SMCO2: variants seen among roughly 807,000 people sequenced by gnomAD.
SMCO2 encodes the protein single-pass membrane protein with coiled-coil domains 2.
Under a neutral mutation model 29.5 loss-of-function variants are expected in SMCO2, and 25 were observed. The ratio of observed to expected loss-of-function variants is 0.85; its 90% CI spans 0.62 to 1.18. SMCO2 has a LOEUF of 1.18. SMCO2 is among the 50% of genes most tolerant of loss of function. SMCO2 has a pLI of 0.00. For synonymous variants in SMCO2, 117 were observed against 123.3 expected, an observed-to-expected ratio of 0.95 and a Z score of 0.34; for missense variants, 348 against 344.5, an observed-to-expected ratio of 1.01 and a Z score of -0.08.
chr12:27,432,205 A>G, the SMCO2 span, among the ~76,000 whole-genome samples: 2 of 152,144 alleles, frequency 1.3e-5, no homozygotes, highest in South Asian at 4.1e-4. Flanking sequence ...CTCACATTCC[A>G]TAGGTTGTTT....
chr12:27,488,792 T>G (rs894844383), intron 5 of SMCO2, among the ~76,000 whole-genome samples: 2 of 152,210 alleles, frequency 1.3e-5, no homozygotes, highest in Non-Finnish European at 2.9e-5. Context: ...TGTTGCCACC[T>G]TAAGATGAGT....
chr12:27,462,030 A>T (rs1025553545), upstream of SMCO2, among the ~76,000 whole-genome samples: 9 of 152,186 alleles, frequency 5.9e-5, no homozygotes, highest in African/African-American at 2.2e-4. Flanking sequence ...GACTGTTTGG[A>T]CATCCTTTTA....
At chr12:27,425,351 C>G in the SMCO2 span, 1 of 152,036 alleles carries the variant, frequency 6.6e-6, no homozygotes, top group African/African-American at 2.4e-5. Flanking sequence ...TGCCCTCAAA[C>G]CACTGGGCAG....
upstream of SMCO2, among the ~76,000 whole-genome samples, chr12:27,462,219 T>C (rs1324356013): frequency 6.6e-6 from 1 of 152,192 alleles, no homozygotes; most frequent in Non-Finnish European, 1.5e-5. Context: ...GTGCTAACAA[T>C]TTCTATAGTT....
At chr12:27,470,844 A>G (rs868301276) in intron 2 of SMCO2, 79 bp downstream of exon 2, 186 of 1,460,042 alleles carry the variant, frequency 1.3e-4, no homozygotes, top group Middle Eastern at 3.6e-4. Flanking sequence ...TATGCAAACG[A>G]TGAGATTTCC....
At chr12:27,430,520 C>T in the SMCO2 span, among the ~76,000 whole-genome samples, 437 of 152,144 alleles carry the variant, frequency 2.9e-3, 1 homozygote, top group African/African-American at 9.9e-3. Flanking sequence ...GTGTTAGAAC[C>T]AAACTTTCAG....
At chr12:27,481,449 A>G (rs78147736) in intron 4 of SMCO2, among the ~76,000 whole-genome samples, 6,444 of 152,252 alleles carry the variant, frequency 0.042, 374 homozygotes, top group East Asian at 0.26. Flanking sequence ...TTTTCTTGTA[A>G]TGTCTAGTTT....
At chr12:27,458,257 A>G in the SMCO2 span, among the ~76,000 whole-genome samples, 1 of 152,206 alleles carries the variant, frequency 6.6e-6, no homozygotes, top group Non-Finnish European at 1.5e-5. Context: ...GAATAAATTA[A>G]ACAGATTAAA....
intron 2 of SMCO2, 85 bp from the exon 3 acceptor site, chr12:27,472,691 T>G (rs563817389): frequency 2.1e-6 from 2 of 964,476 alleles, no homozygotes; most frequent in Non-Finnish European, 3.1e-6. Flanking sequence ...ATCTCAGTGT[T>G]CTCCCTTTAG....
chr12:27,496,419 C>T (rs892141073), intron 7 of SMCO2, among the ~76,000 whole-genome samples: 1 of 150,410 alleles, frequency 6.6e-6, no homozygotes, highest in African/African-American at 2.5e-5. Flanking sequence ...CTATATCTAT[C>T]TAAAATCTTA....
chr12:27,484,265 G>A (rs1045158191), intron 4 of SMCO2, among the ~76,000 whole-genome samples: 2 of 151,990 alleles, frequency 1.3e-5, no homozygotes, highest in African/African-American at 4.8e-5. Flanking sequence ...TGTAATCCCC[G>A]CTGCTCGGGA....
At chr12:27,481,226 C>G (rs1244095803) in intron 4 of SMCO2, among the ~76,000 whole-genome samples, 1 of 152,206 alleles carries the variant, frequency 6.6e-6, no homozygotes, top group Non-Finnish European at 1.5e-5. Context: ...TTGCTTTGGT[C>G]TCAGTGGGTG....
rs75407549 is a variant in SMCO2, at chr12:27,500,689, C to T, written c.684-1234C>T. ...AAGAACAAATCTGCCTTTGGTGCTC[C>T]TTGAAGGCAGGACACATCTGCTTCC... On this transcript the variant is annotated intron_variant, in intron 7 of 7. Coordinates refer to ENST00000298876, the Ensembl canonical transcript of SMCO2. 9.3e-5 allele frequency among the ~76,000 whole-genome samples: 14 copies of T among 150,660 alleles called. No homozygotes were observed. In the East Asian group the frequency reaches 2.7e-3, roughly 29 times the overall value.
chr12:27,486,214 T>A (rs890845487), intron 4 of SMCO2, among the ~76,000 whole-genome samples: 2 of 152,208 alleles, frequency 1.3e-5, no homozygotes, highest in East Asian at 3.9e-4. Context: ...CTTTCTCAAG[T>A]GGGAAGATCT....
the SMCO2 span, among the ~76,000 whole-genome samples, chr12:27,435,052 C>T: frequency 4.6e-5 from 7 of 151,968 alleles, no homozygotes; most frequent in Admixed American, 2.6e-4. Context: ...TAGCCAGGCA[C>T]GTTTTATACT....
chr12:27,459,685 C>T, the SMCO2 span, among the ~76,000 whole-genome samples: 11 of 152,304 alleles, frequency 7.2e-5, no homozygotes, highest in South Asian at 2.3e-3. Flanking sequence ...TTTCAGCTGT[C>T]AGCTCTCCTA....
At chr12:27,473,161 CTG>C (rs1225183754) in intron 3 of SMCO2, 2 of 334,526 alleles carry the variant, frequency 6.0e-6, no homozygotes, top group Non-Finnish European at 1.1e-5. Context: ...TATGAAATAA[CTG>C]TGACATTTCT....
At chr12:27,465,186 G>T (rs979207310), upstream of SMCO2, among the ~76,000 whole-genome samples, 2 of 152,122 alleles carry the variant, frequency 1.3e-5, no homozygotes, top group South Asian at 4.1e-4. Flanking sequence ...AACTGGATTT[G>T]GGTTTAAATC....
chr12:27,472,102 C>T (rs559881333), intron 2 of SMCO2, among the ~76,000 whole-genome samples: 11 of 152,160 alleles, frequency 7.2e-5, no homozygotes, highest in African/African-American at 2.6e-4. Context: ...TACCATATTG[C>T]CATTTTAAAA....
Sources: allele counts gnomAD v4.1 joint callset (sites outside exome capture counted in the v4.1 genomes callset), GRCh38; gene constraint gnomAD v4.1.1; transcripts MANE v1.5; gene names NCBI Gene and HGNC (gene_info 2026-07-23, HGNC 2026-07-21).